Variants in PLA2G4C observed in about 807,000 individuals in gnomAD.
The protein encoded by PLA2G4C is phospholipase A2 group IVC, also known as cytosolic phospholipase A2 gamma.
Under a neutral mutation model 73.8 loss-of-function variants are expected in PLA2G4C, and 64 were observed. The ratio of observed to expected loss-of-function variants is 0.87; its 90% CI spans 0.71 to 1.07. PLA2G4C has a LOEUF of 1.07. Among genes scored for constraint, PLA2G4C ranks in the 50% least tolerant of loss-of-function variants. The pLI is 0.00. For missense variants in PLA2G4C, 622 were observed against 665.4 expected, an observed-to-expected ratio of 0.93 and a Z score of 0.72; for synonymous variants, 254 against 252.1, an observed-to-expected ratio of 1.01 and a Z score of -0.07.
At chr19:48,067,322 C>T (rs956717674) in intron 13 of PLA2G4C, among the ~76,000 whole-genome samples, 1 of 151,978 alleles carries the variant, frequency 6.6e-6, no homozygotes, top group Non-Finnish European at 1.5e-5. Context: ...CACCCGCCAC[C>T]CTGTCCGGCT....
At chr19:48,092,071 T>C (rs1390961080) in intron 7 of PLA2G4C, among the ~76,000 whole-genome samples, 1 of 150,574 alleles carries the variant, frequency 6.6e-6, no homozygotes, top group African/African-American at 2.4e-5. Context: ...AAAAAAAATT[T>C]TTTTTTTTTT....
In PLA2G4C at chr19:48,085,709, CG is replaced by C. The variant is rs1398719269; in HGVS notation, c.791-598del. On this transcript the variant is annotated intron_variant, in intron 9 of 16. Transcript: ENST00000599921. ...TCCACAGTCCCTTTGAAGGAAGTGA[CG>C]GGCTGCAGCCTATACTGTGACTCAA... Among the ~76,000 whole-genome samples the C allele has an allele frequency of 9.9e-5, 15 of 152,016 alleles. No individual in the cohort carries two copies. The East Asian group carries it at 2.1e-3, about 22-fold the overall frequency.
In PLA2G4C at chr19:48,067,821, C is replaced by T. The variant is rs770575835; in HGVS notation, c.1072G>A (p.Gly358Arg). 13 of 1,612,392 alleles carry T rather than the reference C, an allele frequency of 8.1e-6. No homozygotes were observed. Among genetic ancestry groups the T allele is most frequent in the South Asian group, 1.1e-5 (1 of 91,044 alleles). ...TGICASKWEW[G>R]TTHNFLYKHG... The stretch of plus-strand genomic sequence containing the variant: ...TTGTACAGGAAGTTGTGAGTGGTCC[C>T]CCATTCCCACTTTGAAGCGCAAATG... Residue 358 changes from glycine to arginine, a missense_variant, in exon 13 of 17, where the codon GGG becomes AGG. Physicochemically the swap from Gly to Arg is moderately radical, Grantham distance 125. Coordinates refer to ENST00000599921, the MANE Select transcript of PLA2G4C (RefSeq NM_003706.3).
In PLA2G4C at chr19:48,110,757, C is replaced by A. The variant is rs1487127781; in HGVS notation, c.-303G>T. On this transcript the variant is annotated 5_prime_UTR_variant, in exon 1 of 17. Transcript: ENST00000599921. ...CAACCTGGAGGTAAAATGGCCCCTGCGCCTTTAAACAGCCCTCCTCGGCTT... is the reference window on the plus strand; with the variant it reads ...CAACCTGGAGGTAAAATGGCCCCTGAGCCTTTAAACAGCCCTCCTCGGCTT... 4 of 421,308 alleles carry A rather than the reference C, an allele frequency of 9.5e-6. 1 individual carries two copies. The highest frequency in any genetic ancestry group is 1.7e-5 in the Non-Finnish European group (4 of 238,014). 26.1% of individuals were successfully genotyped at this position (421,308 alleles called of 1,614,324 possible).
In PLA2G4C at chr19:48,067,902, G is replaced by A. The variant is rs375498242; in HGVS notation, c.1007-16C>T. The A allele has an allele frequency of 1.0e-4, 159 of 1,581,502 alleles. No individual in the cohort carries two copies. Among genetic ancestry groups the A allele is most frequent in the Non-Finnish European group, 1.3e-4 (148 of 1,150,408 alleles). On this transcript the variant is annotated splice_polypyrimidine_tract_variant and intron_variant, in intron 12 of 16. Coordinates refer to ENST00000599921, the MANE Select transcript of PLA2G4C (RefSeq NM_003706.3). ...CTGAGTGAGCCTAGGGAAAGAAGCC[G>A]AGACAGCCAAGGTGAGTTCAGGAGA...
At chr19:48,080,973 A>C (rs2122577476) in intron 10 of PLA2G4C, among the ~76,000 whole-genome samples, 1 of 128,558 alleles carries the variant, frequency 7.8e-6, no homozygotes, top group Non-Finnish European at 1.6e-5. Context: ...CCTGGCTAAC[A>C]CCGGTCTCTA....
chr19:48,049,259 T>C lies in PLA2G4C; in HGVS notation c.1581-871A>G, dbSNP rs561251973. On this transcript the variant is annotated intron_variant, in intron 16 of 16. Coordinates refer to ENST00000599921, the MANE Select transcript of PLA2G4C (RefSeq NM_003706.3). ...AAGGTCTTTCCCACTCCAGACACTT[T>C]GCATTTACTTTTCCTTTGCACAGAA... is the stretch of plus-strand genomic sequence containing the variant. Among the ~76,000 whole-genome samples, 9 of 152,308 alleles carry C rather than the reference T, an allele frequency of 5.9e-5. No homozygotes were observed. The South Asian group carries it at 1.9e-3, about 32-fold the overall frequency.
At position 48,107,945 on chromosome 19, in the gene PLA2G4C, G is replaced by T. The variant is rs188377808; in HGVS notation, c.-32-1384C>A. On this transcript the variant is annotated intron_variant, in intron 1 of 16. Coordinates refer to ENST00000599921, the MANE Select transcript of PLA2G4C (RefSeq NM_003706.3). Reference sequence around the variant, plus strand: ...AGGGCTCCCTGTCCAGTGGACACGTGACTCACATGACCTTATCAATCATTG... The same window carrying T: ...AGGGCTCCCTGTCCAGTGGACACGTTACTCACATGACCTTATCAATCATTG... 2.6e-5 allele frequency among the ~76,000 whole-genome samples: 4 copies of T among 152,288 alleles called. No homozygotes were observed. The East Asian group carries it at 7.7e-4, about 29-fold the overall frequency.
At chr19:48,068,331 G>C (rs1335975820) in intron 12 of PLA2G4C, among the ~76,000 whole-genome samples, 1 of 151,224 alleles carries the variant, frequency 6.6e-6, no homozygotes, top group Non-Finnish European at 1.5e-5. Context: ...AAAAAGTGGG[G>C]GGGTCATTCA....
chr19:48,095,407 T>C (rs2031514805), intron 7 of PLA2G4C, 57 bp downstream of exon 7: 2 of 1,555,040 alleles, frequency 1.3e-6, no homozygotes, highest in Non-Finnish European at 1.8e-6. Flanking sequence ...GAAGGAAAAT[T>C]CTTGCCTCTC....
chr19:48,061,218 G>C (rs1968155678), intron 14 of PLA2G4C: 1 of 149,828 alleles, frequency 6.7e-6, no homozygotes. Flanking sequence ...AGCCCAGGAG[G>C]TTGAGGCTGC....
chr19:48,083,198 T>C (rs1158003611), intron 10 of PLA2G4C, among the ~76,000 whole-genome samples: 4 of 152,140 alleles, frequency 2.6e-5, no homozygotes, highest in Non-Finnish European at 5.9e-5. Flanking sequence ...CAAGCTTTGC[T>C]CTAAGTACTT....
chr19:48,075,646 C>T (rs932681437), intron 11 of PLA2G4C, among the ~76,000 whole-genome samples: 4 of 152,184 alleles, frequency 2.6e-5, no homozygotes, highest in Admixed American at 6.5e-5. Flanking sequence ...CAACCTTCAC[C>T]GCATTCCTTG....
Position 48,077,949 on chromosome 19 carries a change from G to A in PLA2G4C, c.845-125C>T, listed in dbSNP as rs1372571503. On this transcript the variant is annotated intron_variant, in intron 10 of 16. Transcript: ENST00000599921. ...GCCATGGGTTGGAGTCTGTTGATAC[G>A]GGTTCTGGAGAGCTAATTTTGTACC... is the stretch of plus-strand genomic sequence containing the variant. 1.6e-5 allele frequency: 11 copies of A among 673,856 alleles called. No homozygotes were observed. The Admixed American group carries it at 2.6e-4, about 16-fold the overall frequency. 41.7% of individuals were successfully genotyped at this position (673,856 alleles called of 1,614,324 possible).
chr19:48,092,278 A>G (rs1342620918), intron 7 of PLA2G4C, among the ~76,000 whole-genome samples: 1 of 152,008 alleles, frequency 6.6e-6, no homozygotes, highest in Non-Finnish European at 1.5e-5. Flanking sequence ...CCAACTCCCA[A>G]CCTCAGGTGA....
chr19:48,109,396 C>T (rs1358118053), intron 1 of PLA2G4C, among the ~76,000 whole-genome samples: 2 of 151,862 alleles, frequency 1.3e-5, no homozygotes, highest in Non-Finnish European at 2.9e-5. Flanking sequence ...CTCAGCCTCC[C>T]GAGTAGCTGG....
chr19:48,075,260 T>C (rs895019169), intron 11 of PLA2G4C, among the ~76,000 whole-genome samples: 2 of 151,510 alleles, frequency 1.3e-5, no homozygotes, highest in Admixed American at 6.6e-5. Flanking sequence ...CTCAGCTCAC[T>C]GCAACCTCTG....
At chr19:48,065,279 G>C (rs949511281) in intron 13 of PLA2G4C, among the ~76,000 whole-genome samples, 6 of 139,940 alleles carry the variant, frequency 4.3e-5, no homozygotes, top group Admixed American at 1.4e-4. Flanking sequence ...GGAGGGGTCG[G>C]GGGGGGGCTT....
At chr19:48,094,809 A>G (rs156630) in intron 7 of PLA2G4C, among the ~76,000 whole-genome samples, 9,848 of 152,046 alleles carry the variant, frequency 0.065, 632 homozygotes, top group African/African-American at 0.17. Context: ...TTCTGGAAAT[A>G]CCCCATTTAA....
Sources: allele counts gnomAD v4.1 joint callset (sites outside exome capture counted in the v4.1 genomes callset), GRCh38; gene constraint gnomAD v4.1.1; transcripts MANE v1.5; gene names NCBI Gene and HGNC (gene_info 2026-07-23, HGNC 2026-07-21).